The following TMEM132D variants were observed in gnomAD, a reference collection of about 807,000 sequenced individuals.
The protein encoded by TMEM132D is mature OL transmembrane protein.
A neutral mutation model predicts 62.3 loss-of-function variants in TMEM132D; 21 were observed. That is an observed-to-expected ratio of 0.34 (90% CI 0.24 to 0.49). TMEM132D has a LOEUF of 0.49. Ranked by LOEUF, TMEM132D falls within the 20% of genes least tolerant of loss-of-function variation. TMEM132D has a pLI of 0.99. For missense variants in TMEM132D, 1,346 were observed against 1,402.8 expected (o/e 0.96, Z 0.65); for synonymous variants, 621 against 575.6 (o/e 1.08, Z -1.13).
intron 2 of TMEM132D, among the ~76,000 whole-genome samples, chr12:129,607,923 AGT>A (rs1391680094): frequency 6.6e-6 from 1 of 152,150 alleles, no homozygotes; most frequent in Non-Finnish European, 1.5e-5. Flanking sequence ...CTATTGCTCA[AGT>A]GTATTGTACC....
intron 4 of TMEM132D, among the ~76,000 whole-genome samples, chr12:129,235,106 T>A (rs1879743645): frequency 6.6e-6 from 1 of 152,206 alleles, no homozygotes; most frequent in Non-Finnish European, 1.5e-5. Flanking sequence ...ATATTGAGTT[T>A]TTTCCCACAG....
At chr12:129,695,367 G>T (rs187862297) in intron 2 of TMEM132D, among the ~76,000 whole-genome samples, 2 of 152,172 alleles carry the variant, frequency 1.3e-5, no homozygotes, top group African/African-American at 4.8e-5. Flanking sequence ...GGAAACTAGC[G>T]GGGACATATG....
intron 3 of TMEM132D, among the ~76,000 whole-genome samples, chr12:129,443,732 C>T (rs910038840): frequency 2.0e-5 from 3 of 152,184 alleles, no homozygotes; most frequent in African/African-American, 7.2e-5. Context: ...CCATCTCTCC[C>T]TGCTTCTGTG....
At chr12:129,344,005 T>G (rs1869603202) in intron 3 of TMEM132D, among the ~76,000 whole-genome samples, 1 of 152,200 alleles carries the variant, frequency 6.6e-6, no homozygotes, top group East Asian at 1.9e-4. Context: ...TAATCCTTTG[T>G]CACAAACCCT....
chr12:129,763,532 C>T (rs543945906), intron 1 of TMEM132D, among the ~76,000 whole-genome samples: 2 of 151,558 alleles, frequency 1.3e-5, no homozygotes, highest in African/African-American at 4.8e-5. Flanking sequence ...CCTACCTGTC[C>T]GCATACCAGC....
At chr12:129,312,541 T>G (rs1593333049) in intron 4 of TMEM132D, among the ~76,000 whole-genome samples, 1 of 152,316 alleles carries the variant, frequency 6.6e-6, no homozygotes, top group East Asian at 1.9e-4. Context: ...TATTAAGAAT[T>G]TTTTAGAATA....
In TMEM132D at chr12:129,355,257, T is replaced by TG. The variant is rs1307051864; in HGVS notation, c.1116-17441dup. Among the ~76,000 whole-genome samples, 5 of 152,322 alleles carry TG rather than the reference T, an allele frequency of 3.3e-5. No individual in the cohort carries two copies. In the South Asian group the frequency reaches 8.3e-4, roughly 25 times the overall value. On this transcript the variant is annotated intron_variant, in intron 3 of 8. Coordinates refer to ENST00000422113, the MANE Select transcript of TMEM132D (RefSeq NM_133448.3). ...ACTATTTAGAGCTAAGTATTTGAGATGCAAGTCAATGCATCTTAAACCTAC... is the reference window on the plus strand; with the variant it reads ...ACTATTTAGAGCTAAGTATTTGAGATGGCAAGTCAATGCATCTTAAACCTAC...
At chr12:129,305,282 C>T (rs1284767976) in intron 4 of TMEM132D, among the ~76,000 whole-genome samples, 3 of 114,502 alleles carry the variant, frequency 2.6e-5, no homozygotes, top group South Asian at 2.8e-4. Context: ...TTGCTCAAGC[C>T]TAAAGAATAT....
At chr12:129,717,824 G>A (rs1250967433) in intron 1 of TMEM132D, among the ~76,000 whole-genome samples, 1 of 152,152 alleles carries the variant, frequency 6.6e-6, no homozygotes, top group Non-Finnish European at 1.5e-5. Flanking sequence ...GCCATCTCTT[G>A]TGGCCCTCGC....
chr12:129,086,417 A>C (rs75818147), intron 5 of TMEM132D, among the ~76,000 whole-genome samples: 4,645 of 152,162 alleles, frequency 0.031, 287 homozygotes, highest in East Asian at 0.16. Flanking sequence ...ACCCTTCTGA[A>C]CATCCAGTGT....
At chr12:129,261,796 G>A (rs1880556163) in intron 4 of TMEM132D, among the ~76,000 whole-genome samples, 1 of 152,122 alleles carries the variant, frequency 6.6e-6, no homozygotes, top group Non-Finnish European at 1.5e-5. Flanking sequence ...ATTAGGGCAT[G>A]CCAGTATGAC....
intron 1 of TMEM132D, among the ~76,000 whole-genome samples, chr12:129,778,295 G>A (rs969282788): frequency 4.0e-5 from 6 of 151,688 alleles, no homozygotes; most frequent in South Asian, 4.2e-4. Context: ...GTGCCAGCCC[G>A]ACTCTCATAC....
intron 3 of TMEM132D, among the ~76,000 whole-genome samples, chr12:129,407,789 C>A (rs1194193085): frequency 6.6e-6 from 1 of 151,226 alleles, no homozygotes; most frequent in Non-Finnish European, 1.5e-5. Context: ...GTAGTCCCAG[C>A]TACTCGGGAG....
At chr12:129,219,031 G>T (rs1228684998) in intron 4 of TMEM132D, among the ~76,000 whole-genome samples, 1 of 152,144 alleles carries the variant, frequency 6.6e-6, no homozygotes, top group Non-Finnish European at 1.5e-5. Context: ...TTGGGAATGG[G>T]CTCCCATGAT....
chr12:129,591,309 A>G (rs2137134988), intron 2 of TMEM132D, among the ~76,000 whole-genome samples: 1 of 152,292 alleles, frequency 6.6e-6, no homozygotes, highest in East Asian at 1.9e-4. Flanking sequence ...GTATCGGAGG[A>G]TGGTGATGGT....
rs373879250 is a variant in TMEM132D, at chr12:129,193,074, C to T, written c.1443+16446G>A. On this transcript the variant is annotated intron_variant, in intron 5 of 8. Transcript: ENST00000422113. ...TAGGGAGGCTGAGGCAGGAGAATGG[C>T]GTGAACCCGGGAGGCGGAGCTTGCA... 3.9e-4 allele frequency among the ~76,000 whole-genome samples: 59 copies of T among 149,562 alleles called. No homozygotes were observed. The South Asian group carries it at 0.012, about 31-fold the overall frequency.
chr12:129,132,519 G>A (rs116120184), intron 5 of TMEM132D, among the ~76,000 whole-genome samples: 164 of 152,190 alleles, frequency 1.1e-3, no homozygotes, highest in African/African-American at 3.8e-3. Flanking sequence ...ATTAACTATG[G>A]TCATCATGCT....
intron 2 of TMEM132D, among the ~76,000 whole-genome samples, chr12:129,578,576 A>C (rs980649916): frequency 4.9e-4 from 75 of 152,206 alleles, no homozygotes; most frequent in African/African-American, 1.8e-3. Context: ...TTTATTATGC[A>C]GTATTGGCAT....
chr12:129,284,517 G>C (rs1248322716), intron 4 of TMEM132D, among the ~76,000 whole-genome samples: 3 of 152,202 alleles, frequency 2.0e-5, no homozygotes, highest in Non-Finnish European at 2.9e-5. Flanking sequence ...AGTGTAAGAT[G>C]GAATGGAATA....
Sources: gnomAD v4.1 joint callset for allele counts (sites outside exome capture counted in the v4.1 genomes callset) on GRCh38, gnomAD v4.1.1 for gene constraint, MANE v1.5 for transcripts, NCBI Gene and HGNC (gene_info 2026-07-23, HGNC 2026-07-21) for gene names.